SSPN: variants seen among roughly 807,000 people sequenced by gnomAD.
SSPN encodes K-ras oncogene-associated protein.
Under a neutral mutation model 19.1 loss-of-function variants are expected in SSPN, and 15 were observed. That is an observed-to-expected ratio of 0.78 (90% CI 0.52 to 1.21). The LOEUF (loss-of-function observed/expected upper bound fraction) is 1.21. Among genes scored for constraint, SSPN ranks in the 50% most tolerant of loss-of-function variants. SSPN has a pLI of 0.00. For missense variants in SSPN, 291 were observed against 314.0 expected, an observed-to-expected ratio of 0.93 and a Z score of 0.55; for synonymous variants, 147 against 140.3, an observed-to-expected ratio of 1.05 and a Z score of -0.34.
intron 1 of SSPN, chr12:26,124,951 C>G (rs572607209): frequency 4.2e-6 from 3 of 708,960 alleles, no homozygotes; most frequent in East Asian, 2.7e-5. Context: ...CCCCCTCCAC[C>G]GCGCTCGCAC....
chr12:26,150,351 C>T (rs1944518211), intron 1 of SSPN, among the ~76,000 whole-genome samples: 1 of 152,204 alleles, frequency 6.6e-6, no homozygotes, highest in African/African-American at 2.4e-5. Context: ...GTATGCGATG[C>T]CCTCCCAAGT....
At chr12:26,151,103 A>G (rs534957684) in intron 1 of SSPN, among the ~76,000 whole-genome samples, 3 of 152,302 alleles carry the variant, frequency 2.0e-5, no homozygotes, top group Non-Finnish European at 2.9e-5. Context: ...AGGGAAAAAA[A>G]GGGGCAAGTC....
At chr12:26,188,972 A>G (rs1432787991) in intron 1 of SSPN, among the ~76,000 whole-genome samples, 1 of 152,164 alleles carries the variant, frequency 6.6e-6, no homozygotes, top group East Asian at 1.9e-4. Context: ...GATAAAATGT[A>G]AGTGGAAAGG....
At chr12:26,145,240 C>T (rs115114194) in intron 1 of SSPN, among the ~76,000 whole-genome samples, 2,438 of 152,290 alleles carry the variant, frequency 0.016, 40 homozygotes, top group African/African-American at 0.043. Context: ...GGATGGGGGC[C>T]TGCAGCTTTA....
intron 1 of SSPN, among the ~76,000 whole-genome samples, chr12:26,200,827 A>G (rs955912744): frequency 6.6e-6 from 1 of 151,728 alleles, no homozygotes; most frequent in African/African-American, 2.4e-5. Context: ...AATAATTTTT[A>G]TTATGGCAAC....
At chr12:26,129,300 A>C (rs2620697) in intron 1 of SSPN, among the ~76,000 whole-genome samples, 149,223 of 152,298 alleles carry the variant, frequency 0.98, 73,167 homozygotes, top group East Asian at 1. Context: ...GCAGAGTCCA[A>C]AACAATCTAA....
At chr12:26,192,657 G>A (rs1299898055), upstream of SSPN, among the ~76,000 whole-genome samples, 1 of 152,184 alleles carries the variant, frequency 6.6e-6, no homozygotes, top group Non-Finnish European at 1.5e-5. Flanking sequence ...ATGCTGTTGG[G>A]AAGCTGAGCA....
intron 1 of SSPN, among the ~76,000 whole-genome samples, chr12:26,171,828 A>T (rs551913576): frequency 2.0e-5 from 3 of 152,334 alleles, no homozygotes; most frequent in Admixed American, 2.0e-4. Flanking sequence ...GAGTTCCTAA[A>T]ACCTAACTTT....
At chr12:26,204,317 T>A (rs34583201) in intron 1 of SSPN, among the ~76,000 whole-genome samples, 22,876 of 152,124 alleles carry the variant, frequency 0.15, 2,003 homozygotes, top group East Asian at 0.36. Flanking sequence ...ATTTACAGAT[T>A]GCTTCTTTTG....
upstream of SSPN, among the ~76,000 whole-genome samples, chr12:26,194,762 G>C (rs1474935376): frequency 6.6e-6 from 1 of 152,200 alleles, no homozygotes; most frequent in Admixed American, 6.5e-5. Context: ...TGAAGCAGCA[G>C]GATCCCTTGA....
intron 1 of SSPN, among the ~76,000 whole-genome samples, chr12:26,203,890 T>G (rs548663137): frequency 6.0e-4 from 91 of 152,306 alleles, no homozygotes; most frequent in Non-Finnish European, 9.4e-4. Flanking sequence ...TCTCAGTTCA[T>G]GCATGTGAAG....
chr12:26,223,844 G>A (rs1360416874), intron 1 of SSPN, among the ~76,000 whole-genome samples: 1 of 152,098 alleles, frequency 6.6e-6, no homozygotes, highest in Non-Finnish European at 1.5e-5. Flanking sequence ...TTCTTTCAAG[G>A]ACCATTTCAA....
intron 1 of SSPN, among the ~76,000 whole-genome samples, chr12:26,133,258 T>C (rs1236218741): frequency 6.6e-6 from 1 of 152,186 alleles, no homozygotes; most frequent in Non-Finnish European, 1.5e-5. Context: ...CAAGACAGCC[T>C]GACCTTTAAA....
At chr12:26,183,660 A>G (rs1222678418) in intron 1 of SSPN, among the ~76,000 whole-genome samples, 2 of 152,256 alleles carry the variant, frequency 1.3e-5, no homozygotes, top group Non-Finnish European at 2.9e-5. Flanking sequence ...TGATAGTATT[A>G]TGAAAGGGGC....
chr12:26,211,914 T>C (rs973661146), intron 1 of SSPN, among the ~76,000 whole-genome samples: 4 of 152,200 alleles, frequency 2.6e-5, no homozygotes, highest in African/African-American at 9.6e-5. Flanking sequence ...TTAGAAAGCA[T>C]GTATCTAGCC....
At chr12:26,200,468 C>G (rs1944867727) in intron 1 of SSPN, among the ~76,000 whole-genome samples, 1 of 152,006 alleles carries the variant, frequency 6.6e-6, no homozygotes. Context: ...GCAGAATATA[C>G]CATGAAACTC....
intron 1 of SSPN, among the ~76,000 whole-genome samples, chr12:26,188,377 T>C (rs1944767244): frequency 6.6e-6 from 1 of 152,234 alleles, no homozygotes; most frequent in South Asian, 2.1e-4. Flanking sequence ...GGTAAGTCCA[T>C]GGAAACATGC....
At chr12:26,212,100 C>T (rs1944993893) in intron 1 of SSPN, among the ~76,000 whole-genome samples, 1 of 152,130 alleles carries the variant, frequency 6.6e-6, no homozygotes, top group Non-Finnish European at 1.5e-5. Context: ...AATGTGTTTT[C>T]CAAAGAGATC....
intron 1 of SSPN, among the ~76,000 whole-genome samples, chr12:26,203,104 C>A (rs1343088706): frequency 6.6e-6 from 1 of 152,144 alleles, no homozygotes; most frequent in East Asian, 1.9e-4. Flanking sequence ...ATAGGGGGAA[C>A]CACCCCCATG....
Sources: allele counts gnomAD v4.1 joint callset (sites outside exome capture counted in the v4.1 genomes callset), GRCh38; gene constraint gnomAD v4.1.1; transcripts MANE v1.5; gene names NCBI Gene and HGNC (gene_info 2026-07-23, HGNC 2026-07-21).